Variants in CNTROB observed in about 807,000 individuals in gnomAD.
CNTROB encodes centrobin.
CNTROB carries 82 observed loss-of-function variants against 115.7 expected under a neutral mutation model. The observed-to-expected ratio is 0.71, with a 90% CI of 0.59 to 0.85. CNTROB has a LOEUF of 0.85. Ranked by LOEUF, CNTROB falls within the 40% of genes least tolerant of loss-of-function variation. The pLI, the probability that CNTROB is intolerant of heterozygous loss-of-function variation, is 0.00. For synonymous variants in CNTROB, 439 were observed against 456.4 expected (o/e 0.96, Z 0.49); for missense variants, 1,014 against 1,144.4 (o/e 0.89, Z 1.64).
intron 3 of CNTROB, 74 bp downstream of exon 3, chr17:7,934,620 C>G: frequency 7.6e-7 from 1 of 1,317,482 alleles, no homozygotes; most frequent in Admixed American, 1.8e-5. Context: ...TTATTTCTCC[C>G]TTTATTGCTT....
At chr17:7,940,982 C>G (rs994056495) in intron 9 of CNTROB, among the ~76,000 whole-genome samples, 2 of 152,136 alleles carry the variant, frequency 1.3e-5, no homozygotes, top group African/African-American at 4.8e-5. Context: ...CAGCTGTGTT[C>G]TAGTACAACT....
rs151174639 is a variant in CNTROB at position 7,949,406 on chromosome 17, C to T, written c.2608C>T (p.Arg870Cys). Residue 870 changes from arginine to cysteine, a missense_variant, in exon 19 of 19, where the codon CGC becomes TGC. Coordinates refer to ENST00000563694, the MANE Select transcript of CNTROB (RefSeq NM_053051.5). Reference protein sequence around the residue: ...RKEIPSQAVPRRLATAPKTEK... With the variant: ...RKEIPSQAVPCRLATAPKTEK... ...TCAGATTCCCTCCCAGGCTGTCCCT[C>T]GCCGCCTTGCTACAGCCCCCAAGAC... 2.9e-3 allele frequency: 4,744 copies of T among 1,614,136 alleles called. 33 individuals carry two copies. The highest frequency in any genetic ancestry group is 0.015 in the South Asian group (1,363 of 91,070).
At chr17:7,936,571 TA>T (rs1257521068) in intron 5 of CNTROB, 89 bp downstream of exon 5, 4 of 797,434 alleles carry the variant, frequency 5.0e-6, no homozygotes, top group African/African-American at 1.7e-5. Context: ...TGTTTCTTGG[TA>T]CATGCTGAGA....
chr17:7,944,483 C>T lies in CNTROB; in HGVS notation c.1579C>T (p.Arg527Trp), dbSNP rs778313975. 19 of 1,613,698 alleles carry T rather than the reference C, an allele frequency of 1.2e-5. No homozygotes were observed. The highest frequency in any genetic ancestry group is 1.5e-5 in the Non-Finnish European group (18 of 1,179,760). The stretch of plus-strand genomic sequence containing the variant: ...CTTCTCTCTTTGCTTCAGACTGGCC[C>T]GGGAGCAAGCGCGAGTGTGCGAACT... ...VAEDYELRLA[R>W]EQARVCELQS... The change falls in exon 12 of 19, where the codon CGG (arginine) becomes TGG (tryptophan). Residue 527 changes from arginine (R) to tryptophan (W), a missense_variant. Arg to Trp is a moderately radical substitution (Grantham distance 101). Transcript: ENST00000563694. This position sits in a 1 kb window ranked among gnomAD's most constrained non-coding sequence, Gnocchi z 4.0.
At position 7,944,039 on chromosome 17, in the gene CNTROB, A is replaced by C; in HGVS notation, c.1446-84A>C. ...CTGACTGGCTATCTGGGTCACTGTC[A>C]TGTGCACACATGATGTCTTTTTCTC... On this transcript the variant is annotated intron_variant, in intron 10 of 18. Coordinates refer to ENST00000563694, the MANE Select transcript of CNTROB (RefSeq NM_053051.5). This position sits in a 1 kb window ranked among gnomAD's most constrained non-coding sequence, Gnocchi z 4.0. 2 of 998,110 alleles carry C rather than the reference A, an allele frequency of 2.0e-6. No homozygotes were observed. The highest frequency in any genetic ancestry group is 3.1e-6 in the Non-Finnish European group (2 of 642,866). 61.8% of individuals were successfully genotyped at this position (998,110 alleles called of 1,614,324 possible).
chr17:7,945,343 A>G (rs1974397759), intron 12 of CNTROB: 1 of 152,412 alleles, frequency 6.6e-6, no homozygotes, highest in South Asian at 2.1e-4. Context: ...CATCTCAAAA[A>G]AAGAAAAAGA....
intron 7 of CNTROB, among the ~76,000 whole-genome samples, chr17:7,938,266 A>G (rs1973444339): frequency 6.6e-6 from 1 of 152,112 alleles, no homozygotes; most frequent in Non-Finnish European, 1.5e-5. Context: ...TGGCCTCCCA[A>G]AGTGCTGGGA....
At chr17:7,936,083 C>T (rs1598064595) in intron 4 of CNTROB, 2 of 375,374 alleles carry the variant, frequency 5.3e-6, no homozygotes, top group East Asian at 1.0e-4. Context: ...TGCTGCATCT[C>T]TGCCAAAAGG....
rs769703937 is a variant in CNTROB at position 7,943,494 on chromosome 17, G to A, written c.1415G>A (p.Arg472Gln). The A allele has an allele frequency of 1.4e-5, 22 of 1,613,326 alleles. No individual in the cohort carries two copies. In the East Asian group the frequency reaches 2.0e-4, roughly 15 times the overall value. ...GCGCAGGCTCAGGAGAGCAGCCTAC[G>A]GCAAGCAGCCTCCCTCAGGGAACAT... ...RLAQAQESSL[R>Q]QAASLREHHR... Residue 472 changes from arginine (R) to glutamine (Q), a missense_variant, in exon 10 of 19, where the codon CGG becomes CAG. Arg to Gln is a conservative substitution (Grantham distance 43). Transcript: ENST00000563694. This position sits in a 1 kb window ranked among gnomAD's most constrained non-coding sequence, Gnocchi z 4.7.
Position 7,944,722 on chromosome 17 carries a change from G to A in CNTROB, c.1734+84G>A. 2 of 1,502,194 alleles carry A rather than the reference G, an allele frequency of 1.3e-6. No individual in the cohort carries two copies. Among genetic ancestry groups the A allele is most frequent in the Non-Finnish European group, 1.8e-6 (2 of 1,115,630 alleles). The allele number at this position is 1,502,194 out of a possible 1,614,324, so 93.1% of individuals were successfully genotyped here. A position where few individuals can be genotyped will look rare whatever the true frequency, so the allele number is the denominator to read the frequency against. On this transcript the variant is annotated intron_variant, in intron 12 of 18. Transcript: ENST00000563694. This position sits in a 1 kb window ranked among gnomAD's most constrained non-coding sequence, Gnocchi z 4.0. ...TGAGACAGGGTCTCACTCTTGCCCAGGCTGGAGTGTACTGGTGAGATCATA... is the reference window on the plus strand; with the variant it reads ...TGAGACAGGGTCTCACTCTTGCCCAAGCTGGAGTGTACTGGTGAGATCATA...
chr17:7,942,249 AG>A (rs1973962841), intron 9 of CNTROB, among the ~76,000 whole-genome samples: 1 of 152,166 alleles, frequency 6.6e-6, no homozygotes, highest in Non-Finnish European at 1.5e-5. Context: ...GCTAAGCAAC[AG>A]AACAAGACTC....
At position 7,944,779 on chromosome 17, in the gene CNTROB, G is replaced by A. The variant is rs1199298034; in HGVS notation, c.1734+141G>A. Reference sequence around the variant, plus strand: ...TGCAGCCTCGAACTCCTGGGCTCAAGTGATCCTCCCACCTCTAACTCCCAA... The same window carrying A: ...TGCAGCCTCGAACTCCTGGGCTCAAATGATCCTCCCACCTCTAACTCCCAA... On this transcript the variant is annotated intron_variant, in intron 12 of 18. Coordinates refer to ENST00000563694, the MANE Select transcript of CNTROB (RefSeq NM_053051.5). The surrounding 1 kb of genome is among the most constrained non-coding windows in gnomAD (Gnocchi z 4.0). 2.4e-5 allele frequency: 23 copies of A among 975,546 alleles called. No individual in the cohort carries two copies. The East Asian group carries it at 5.9e-4, about 25-fold the overall frequency. The allele number at this position is 975,546 out of a possible 1,614,324, so 60.4% of individuals were successfully genotyped here.
In CNTROB at chr17:7,943,682, C is replaced by A; in HGVS notation, c.1445+158C>A. Reference sequence around the variant, plus strand: ...GGGACCTGAGTCTCTCTCGGGAGGGCTGCCTTCACGCGTTCATGGAGAGCC... The same window carrying A: ...GGGACCTGAGTCTCTCTCGGGAGGGATGCCTTCACGCGTTCATGGAGAGCC... On this transcript the variant is annotated intron_variant, in intron 10 of 18. Transcript: ENST00000563694. The surrounding 1 kb of genome is among the most constrained non-coding windows in gnomAD (Gnocchi z 4.7). The A allele has an allele frequency of 1.3e-6, 1 of 759,584 alleles. No individual in the cohort carries two copies. Among genetic ancestry groups the A allele is most frequent in the Non-Finnish European group, 2.0e-6 (1 of 491,046 alleles). The allele number at this position is 759,584 out of a possible 1,614,324, so 47.1% of individuals were successfully genotyped here.
At position 7,943,069 on chromosome 17, in the gene CNTROB, A is replaced by G. The variant is rs955503001; in HGVS notation, c.1312-322A>G. On this transcript the variant is annotated intron_variant, in intron 9 of 18. Transcript: ENST00000563694. The surrounding 1 kb of genome is among the most constrained non-coding windows in gnomAD (Gnocchi z 4.7). ...GCCCGTCTCGGCCTCCCAAAGTGCT[A>G]GGATTACAGGCGTGAGCCACCGCGC... Among the ~76,000 whole-genome samples the G allele has an allele frequency of 6.6e-6, 1 of 151,832 alleles. No individual in the cohort carries two copies. Among genetic ancestry groups the G allele is most frequent in the Non-Finnish European group, 1.5e-5 (1 of 67,950 alleles).
At chr17:7,936,856 A>T (rs1272946119) in intron 6 of CNTROB, 39 bp downstream of exon 6, 2 of 874,838 alleles carry the variant, frequency 2.3e-6, no homozygotes, top group Non-Finnish European at 4.0e-6. Context: ...AACCTGAGTC[A>T]CAGATCTCAA....
chr17:7,948,841 G>A lies in CNTROB; in HGVS notation c.2513+222G>A, dbSNP rs958637708. 86 of 1,458,440 alleles carry A rather than the reference G, an allele frequency of 5.9e-5. No individual in the cohort carries two copies. The highest frequency in any genetic ancestry group is 1.2e-4 in the East Asian group (5 of 40,184). The allele number at this position is 1,458,440 out of a possible 1,614,324, so 90.3% of individuals were successfully genotyped here. ...TTCTAAACAAAAAAATCTTTTCCCC[G>A]GGTCTCTCTACCTTCGTTTTTTTCC... is the stretch of plus-strand genomic sequence containing the variant. On this transcript the variant is annotated intron_variant, in intron 17 of 18. Coordinates refer to ENST00000563694, the MANE Select transcript of CNTROB (RefSeq NM_053051.5). The surrounding 1 kb of genome is among the most constrained non-coding windows in gnomAD (Gnocchi z 4.4).
Position 7,949,073 on chromosome 17 carries a change from T to C in CNTROB, c.2514-12T>C. The C allele has an allele frequency of 6.2e-7, 1 of 1,613,902 alleles. No homozygotes were observed. Among genetic ancestry groups the C allele is most frequent in the Non-Finnish European group, 8.5e-7 (1 of 1,179,898 alleles). On this transcript the variant is annotated splice_polypyrimidine_tract_variant and intron_variant, in intron 17 of 18. Coordinates refer to ENST00000563694, the MANE Select transcript of CNTROB (RefSeq NM_053051.5). Reference sequence around the variant, plus strand: ...GAGATCCCCATCCTCATACCTTTGATTTGTGTAGCAGGACTGATGGCCGAG... The same window carrying C: ...GAGATCCCCATCCTCATACCTTTGACTTGTGTAGCAGGACTGATGGCCGAG...
intron 3 of CNTROB, chr17:7,934,786 A>T: frequency 1.4e-6 from 1 of 704,884 alleles, no homozygotes; most frequent in Non-Finnish European, 2.3e-6. Flanking sequence ...CCCTCTAAAG[A>T]GTTAGCTTGT....
intron 9 of CNTROB, among the ~76,000 whole-genome samples, chr17:7,942,787 A>ATTTTTTTTTTTTTTTTT (rs71159534): frequency 8.4e-5 from 3 of 35,786 alleles, no homozygotes; most frequent in Non-Finnish European, 1.5e-4. Context: ...TACTCAGGGT[A>ATTTTTTTTTTTTTTTTT]TTTTTTTTTT....
Sources: gnomAD v4.1 joint callset for allele counts (sites outside exome capture counted in the v4.1 genomes callset) on GRCh38, gnomAD v4.1.1 for gene constraint, Gnocchi (gnomAD v3.1) non-coding constraint, MANE v1.5 for transcripts, NCBI Gene and HGNC (gene_info 2026-07-23, HGNC 2026-07-21) for gene names.